Variants in SLC6A20 observed in about 807,000 individuals in gnomAD.
SLC6A20 encodes the protein sodium- and chloride-dependent transporter XTRP3.
Under a neutral mutation model 64.3 loss-of-function variants are expected in SLC6A20, and 73 were observed. The ratio of observed to expected loss-of-function variants is 1.14; its 90% CI spans 0.94 to 1.38. The LOEUF is 1.38. Ranked by LOEUF, SLC6A20 falls within the 40% of genes most tolerant of loss-of-function variation. SLC6A20 has a pLI of 0.00. For synonymous variants in SLC6A20, 347 were observed against 329.6 expected (o/e 1.05, Z -0.57); for missense variants, 725 against 772.8 (o/e 0.94, Z 0.73).
intron 9 of SLC6A20, 150 bp from the exon 10 acceptor site, chr3:45,760,172 T>C (rs1699645049): frequency 3.5e-6 from 3 of 854,600 alleles, no homozygotes; most frequent in East Asian, 2.6e-5. Flanking sequence ...TGTGACACCT[T>C]CTTGAGAGAC....
intron 10 of SLC6A20, among the ~76,000 whole-genome samples, chr3:45,759,627 A>C (rs1318350860): frequency 2.0e-5 from 3 of 152,174 alleles, no homozygotes; most frequent in African/African-American, 7.2e-5. Context: ...GTGGATGGGG[A>C]AGCTCTGGAG....
intron 9 of SLC6A20, among the ~76,000 whole-genome samples, 173 bp downstream of exon 9, chr3:45,762,740 A>T (rs1699705241): frequency 6.6e-6 from 1 of 152,248 alleles, no homozygotes; most frequent in Admixed American, 6.5e-5. Flanking sequence ...CTGAGCATGG[A>T]ATAGAGGCAG....
intron 8 of SLC6A20, among the ~76,000 whole-genome samples, chr3:45,763,288 G>A (rs139727010): frequency 3.5e-4 from 54 of 152,242 alleles, no homozygotes; most frequent in African/African-American, 8.9e-4. Flanking sequence ...CGTGTTGGCA[G>A]GGGTCACTGA....
Position 45,766,816 on chromosome 3 carries a change from C to T in SLC6A20, c.1099-1075G>A, listed in dbSNP as rs1451048382. On this transcript the variant is annotated intron_variant, in intron 7 of 10. Transcript: ENST00000358525. ...AACCCTGCTGGCCCTTGATCTTGGA[C>T]TTCTCAGCCTCTAGGATTGAGAGAC... Among the ~76,000 whole-genome samples the T allele has an allele frequency of 4.6e-5, 7 of 152,288 alleles. No individual in the cohort carries two copies. In the East Asian group the frequency reaches 1.4e-3, roughly 29 times the overall value.
chr3:45,777,414 C>T (rs1029265608), intron 3 of SLC6A20, among the ~76,000 whole-genome samples: 6 of 152,238 alleles, frequency 3.9e-5, no homozygotes, highest in African/African-American at 1.4e-4. Context: ...ACCAACAGTC[C>T]TTCCCCTTCC....
chr3:45,765,537 C>G lies in SLC6A20; in HGVS notation c.1303G>C (p.Gly435Arg), dbSNP rs1699760950. The G allele has an allele frequency of 6.2e-7, 1 of 1,611,920 alleles. No individual in the cohort carries two copies. The highest frequency in any genetic ancestry group is 1.1e-5 in the South Asian group (1 of 90,874). ...TCCTCCACTGGCTGGCCCCGCTGAC[C>G]TGAGATGGCCTCCTTGGGCAGGTGG... ...SSHLPKEAIS[G>R]LVCLVNCAIG... The change falls in exon 8 of 11, where the codon GGT (glycine) becomes CGT (arginine). Residue 435 changes from glycine to arginine, a missense_variant and splice_region_variant. Physicochemically the swap from Gly to Arg is moderately radical, Grantham distance 125. Transcript: ENST00000358525. The surrounding 1 kb of genome is among the most constrained non-coding windows in gnomAD (Gnocchi z 4.2).
rs1167861549 is a variant in SLC6A20, at chr3:45,765,533, T to C, written c.1303+4A>G. The C allele has an allele frequency of 7.4e-6, 12 of 1,610,938 alleles. No homozygotes were observed. Among genetic ancestry groups the C allele is most frequent in the Non-Finnish European group, 1.0e-5 (12 of 1,178,874 alleles). On this transcript the variant is annotated splice_donor_region_variant and intron_variant, in intron 8 of 10. Coordinates refer to ENST00000358525, the MANE Select transcript of SLC6A20 (RefSeq NM_020208.4). This position sits in a 1 kb window ranked among gnomAD's most constrained non-coding sequence, Gnocchi z 4.2. ...TGCCTCCTCCACTGGCTGGCCCCGC[T>C]GACCTGAGATGGCCTCCTTGGGCAG...
intron 9 of SLC6A20, among the ~76,000 whole-genome samples, chr3:45,761,047 G>A (rs1336587762): frequency 6.6e-6 from 1 of 152,226 alleles, no homozygotes; most frequent in African/African-American, 2.4e-5. Context: ...TGCATGTCCT[G>A]GGTGTCCATG....
intron 1 of SLC6A20, 83 bp from the exon 2 acceptor site, chr3:45,782,306 C>T (rs930677642): frequency 1.1e-5 from 17 of 1,510,160 alleles, no homozygotes; most frequent in Non-Finnish European, 1.4e-5. Context: ...AAACATCCTT[C>T]CATCCTCCTG....
intron 1 of SLC6A20, among the ~76,000 whole-genome samples, chr3:45,791,350 G>A (rs1441230711): frequency 6.6e-6 from 1 of 152,226 alleles, no homozygotes; most frequent in Non-Finnish European, 1.5e-5. Flanking sequence ...CCACATCTGA[G>A]ACCAATCCAA....
chr3:45,772,371 AC>A, intron 5 of SLC6A20, 133 bp downstream of exon 5: 2 of 707,026 alleles, frequency 2.8e-6, no homozygotes. Flanking sequence ...CTCCTGCCAC[AC>A]CCTGGTGGGC....
At chr3:45,768,359 A>C (rs1169034090) in intron 7 of SLC6A20, among the ~76,000 whole-genome samples, 1 of 152,248 alleles carries the variant, frequency 6.6e-6, no homozygotes, top group Non-Finnish European at 1.5e-5. Flanking sequence ...GGAAAAATGA[A>C]GTCTAGATAA....
intron 1 of SLC6A20, among the ~76,000 whole-genome samples, chr3:45,786,571 TG>T (rs529196167): frequency 8.2e-4 from 125 of 152,354 alleles, no homozygotes; most frequent in Admixed American, 3.1e-3. Context: ...CTCACTTGGT[TG>T]AGGTGGTGTC....
At chr3:45,771,041 G>A (rs747643581) in intron 6 of SLC6A20, among the ~76,000 whole-genome samples, 176 bp downstream of exon 6, 6 of 152,170 alleles carry the variant, frequency 3.9e-5, no homozygotes, top group Non-Finnish European at 8.8e-5. Flanking sequence ...TCCCTGCCAG[G>A]CAGATGTTGA....
At chr3:45,772,351 G>C (rs1699886763) in intron 5 of SLC6A20, 154 bp downstream of exon 5, 2 of 592,048 alleles carry the variant, frequency 3.4e-6, no homozygotes, top group African/African-American at 1.9e-5. Flanking sequence ...GTGACTGCAG[G>C]TACTCCACAC....
intron 1 of SLC6A20, among the ~76,000 whole-genome samples, chr3:45,791,430 A>C (rs957030321): frequency 6.6e-6 from 1 of 152,190 alleles, no homozygotes; most frequent in African/African-American, 2.4e-5. Context: ...CAACACACAG[A>C]CAAATAGAGG....
At chr3:45,772,439 A>AT in intron 5 of SLC6A20, 66 bp downstream of exon 5, 1 of 1,440,464 alleles carries the variant, frequency 6.9e-7, no homozygotes, top group Admixed American at 2.0e-5. Flanking sequence ...CCCTCTTCCC[A>AT]CCCATCCTGG....
At chr3:45,777,333 A>AG (rs36116777) in intron 3 of SLC6A20, among the ~76,000 whole-genome samples, 18,351 of 152,022 alleles carry the variant, frequency 0.12, 1,204 homozygotes, top group South Asian at 0.14. Context: ...ATACCTCCCC[A>AG]GGCCACCCTA....
chr3:45,778,450 T>G (rs925295649), intron 3 of SLC6A20, among the ~76,000 whole-genome samples: 1 of 152,152 alleles, frequency 6.6e-6, no homozygotes, highest in Admixed American at 6.5e-5. Flanking sequence ...AAGGGATAAG[T>G]CCACAGACCT....
Sources: gnomAD v4.1 joint callset for allele counts (sites outside exome capture counted in the v4.1 genomes callset) on GRCh38, gnomAD v4.1.1 for gene constraint, Gnocchi (gnomAD v3.1) non-coding constraint, MANE v1.5 for transcripts, NCBI Gene and HGNC (gene_info 2026-07-23, HGNC 2026-07-21) for gene names.